COL5A2: variants seen among roughly 807,000 people sequenced by gnomAD.
COL5A2 encodes the protein collagen type V alpha 2 chain.
Under a neutral mutation model 208.2 loss-of-function variants are expected in COL5A2, and 23 were observed. The observed-to-expected ratio is 0.11, with a 90% CI of 0.08 to 0.16. The LOEUF (loss-of-function observed/expected upper bound fraction) is 0.16. Ranked by LOEUF, COL5A2 falls within the 10% of genes least tolerant of loss-of-function variation. The probability of loss-of-function intolerance (pLI) is 1.00; values close to 1 mark genes in which losing one functional copy is unlikely to be tolerated. For missense variants in COL5A2, 1,590 were observed against 1,956.4 expected (o/e 0.81, Z 3.53); for synonymous variants, 625 against 628.5 (o/e 0.99, Z 0.08).
At chr2:189,340,259 C>T in the COL5A2 span, among the ~76,000 whole-genome samples, 64 of 152,258 alleles carry the variant, frequency 4.2e-4, no homozygotes, top group African/African-American at 1.5e-3. Context: ...CTACATGCCC[C>T]AGGTTCACCC....
intron 4 of COL5A2, among the ~76,000 whole-genome samples, chr2:189,099,515 C>T (rs1245347658): frequency 6.6e-6 from 1 of 152,106 alleles, no homozygotes; most frequent in East Asian, 1.9e-4. Flanking sequence ...GTCCCAGCTG[C>T]TCGGGAGGCT....
chr2:189,175,248 C>T (rs1688653190), intron 1 of COL5A2, among the ~76,000 whole-genome samples: 1 of 152,068 alleles, frequency 6.6e-6, no homozygotes, highest in South Asian at 2.1e-4. Context: ...TTCCGGCCAA[C>T]TGTAAGTAAG....
chr2:189,351,401 T>C, the COL5A2 span, among the ~76,000 whole-genome samples: 1 of 152,188 alleles, frequency 6.6e-6, no homozygotes, highest in African/African-American at 2.4e-5. Flanking sequence ...GAAACCAGTA[T>C]ATTTTGTTCT....
intron 35 of COL5A2, among the ~76,000 whole-genome samples, chr2:189,055,365 T>C (rs1685881207): frequency 1.3e-5 from 2 of 152,196 alleles, no homozygotes; most frequent in African/African-American, 2.4e-5. Flanking sequence ...TGTGGGAATA[T>C]TGAAGTCCTC....
rs775521754 is a variant in COL5A2 at position 189,068,106 on chromosome 2, G to A, written c.1310C>T (p.Pro437Leu). 2.2e-5 allele frequency: 35 copies of A among 1,613,136 alleles called. No individual in the cohort carries two copies. The highest frequency in any genetic ancestry group is 8.0e-5 in the African/African-American group (6 of 74,880). The change falls in exon 21 of 54, where the codon CCA becomes CTA. Residue 437 changes from proline to leucine, a missense_variant. Coordinates refer to ENST00000374866, the MANE Select transcript of COL5A2 (RefSeq NM_000393.5). ...TPGAKGPTGS[P>L]GTSGPPGSAG... ...TGAGCCAGGAGGACCAGAGGTACCT[G>A]GAGAGCCCTATTAAACAGCAAGAGT...
the COL5A2 span, among the ~76,000 whole-genome samples, chr2:189,299,354 T>C: frequency 2.0e-5 from 3 of 152,204 alleles, no homozygotes; most frequent in East Asian, 5.8e-4. Flanking sequence ...TAAGATCATC[T>C]TTTTTGTTGT....
chr2:189,366,872 C>T, the COL5A2 span, among the ~76,000 whole-genome samples: 5 of 152,174 alleles, frequency 3.3e-5, no homozygotes, highest in African/African-American at 1.2e-4. Flanking sequence ...ATCATTGTCA[C>T]GACTTTCTCA....
the COL5A2 span, among the ~76,000 whole-genome samples, chr2:189,376,895 A>T: frequency 2.0e-5 from 3 of 152,206 alleles, no homozygotes; most frequent in Admixed American, 6.5e-5. Flanking sequence ...ACTAGAGACT[A>T]GGCAGGAAAA....
intron 1 of COL5A2, among the ~76,000 whole-genome samples, chr2:189,138,491 T>G (rs1348380658): frequency 6.6e-6 from 1 of 152,144 alleles, no homozygotes; most frequent in Non-Finnish European, 1.5e-5. Flanking sequence ...TATATACAAC[T>G]ATTAGTACAC....
rs62182413 is a variant in COL5A2 at position 189,115,210 on chromosome 2, T to A, written c.98-4761A>T. On this transcript the variant is annotated intron_variant, in intron 1 of 53. Coordinates refer to ENST00000374866, the MANE Select transcript of COL5A2 (RefSeq NM_000393.5). The stretch of plus-strand genomic sequence containing the variant: ...ACTCAATTTTTCTGTTTCTCATATA[T>A]CCTCATAGATTTCTCTTCTCATAAA... 4.5e-4 allele frequency among the ~76,000 whole-genome samples: 69 copies of A among 152,208 alleles called. No homozygotes were observed. The South Asian group carries it at 6.2e-3, about 14-fold the overall frequency.
chr2:189,218,433 C>G (rs1172631114), intron 1 of COL5A2, among the ~76,000 whole-genome samples: 2 of 152,058 alleles, frequency 1.3e-5, no homozygotes, highest in South Asian at 2.1e-4. Flanking sequence ...TTACTAGGAG[C>G]CAACAGGAGC....
At chr2:189,356,110 T>A in the COL5A2 span, among the ~76,000 whole-genome samples, 14 of 152,228 alleles carry the variant, frequency 9.2e-5, no homozygotes, top group Non-Finnish European at 1.5e-4. Context: ...CCCACTCTCT[T>A]CTGGCTTGTA....
chr2:189,225,383 G>A (rs1689401120), upstream of COL5A2, among the ~76,000 whole-genome samples: 1 of 152,100 alleles, frequency 6.6e-6, no homozygotes, highest in Non-Finnish European at 1.5e-5. Context: ...GACCCAGATG[G>A]ACTAGTTGAA....
chr2:189,181,637 T>C (rs1186133053), upstream of COL5A2, among the ~76,000 whole-genome samples: 1 of 152,166 alleles, frequency 6.6e-6, no homozygotes, highest in East Asian at 1.9e-4. Flanking sequence ...TTTACTGAAG[T>C]GCAAGACGGC....
the COL5A2 span, among the ~76,000 whole-genome samples, chr2:189,299,878 T>C: frequency 6.6e-6 from 1 of 152,084 alleles, no homozygotes; most frequent in Admixed American, 6.6e-5. Flanking sequence ...TTAAAAAAAA[T>C]AGCAACACCC....
Position 189,053,491 on chromosome 2 carries a change from A to G in COL5A2, c.2500-14T>C. 1 of 1,611,514 alleles carries G rather than the reference A, an allele frequency of 6.2e-7. No individual in the cohort carries two copies. The highest frequency in any genetic ancestry group is 1.1e-5 in the South Asian group (1 of 91,012). On this transcript the variant is annotated splice_polypyrimidine_tract_variant and intron_variant, in intron 37 of 53. Transcript: ENST00000374866. ...ACCTCGAGAACCCTAGGAGGAGACAAAGATTACTGTAGCTTTCACACATTA... is the reference window on the plus strand; with the variant it reads ...ACCTCGAGAACCCTAGGAGGAGACAGAGATTACTGTAGCTTTCACACATTA...
At position 189,049,466 on chromosome 2, in the gene COL5A2, GTA is replaced by G. The variant is rs1347712395; in HGVS notation, c.3040-14_3040-13del. The G allele has an allele frequency of 6.3e-7, 1 of 1,597,806 alleles. No homozygotes were observed. The highest frequency in any genetic ancestry group is 8.6e-7 in the Non-Finnish European group (1 of 1,166,926). On this transcript the variant is annotated splice_polypyrimidine_tract_variant and intron_variant, in intron 43 of 53. Coordinates refer to ENST00000374866, the MANE Select transcript of COL5A2 (RefSeq NM_000393.5). The stretch of plus-strand genomic sequence containing the variant: ...TTTCCTGGTGTTCCCTGAAATAGAA[GTA>G]TAAATGTCAAACACTTGTGAAGAAA...
chr2:189,293,244 TA>T, the COL5A2 span, among the ~76,000 whole-genome samples: 1 of 151,694 alleles, frequency 6.6e-6, no homozygotes, highest in African/African-American at 2.4e-5. Context: ...CCCTAAAACT[TA>T]AAGTATAATA....
chr2:189,061,305 ATC>A (rs1299115833), intron 30 of COL5A2, among the ~76,000 whole-genome samples: 1 of 152,142 alleles, frequency 6.6e-6, no homozygotes, highest in Non-Finnish European at 1.5e-5. Context: ...TATTCCTGAT[ATC>A]TTTTTATTAC....
Sources: allele counts gnomAD v4.1 joint callset (sites outside exome capture counted in the v4.1 genomes callset), GRCh38; gene constraint gnomAD v4.1.1; transcripts MANE v1.5; gene names NCBI Gene and HGNC (gene_info 2026-07-23, HGNC 2026-07-21).